The following RIC3 variants were observed in gnomAD, a reference collection of about 807,000 sequenced individuals.
RIC3 encodes the protein RIC3 acetylcholine receptor chaperone, also known as protein RIC-3.
A neutral mutation model predicts 27.3 loss-of-function variants in RIC3; 28 were observed. The ratio of observed to expected loss-of-function variants is 1.02; its 90% CI spans 0.76 to 1.41. RIC3 has a LOEUF of 1.41. Among genes scored for constraint, RIC3 ranks in the 40% most tolerant of loss-of-function variants. The pLI is 0.00. For missense variants in RIC3, 501 were observed against 444.7 expected, an observed-to-expected ratio of 1.13 and a Z score of -1.14; for synonymous variants, 184 against 160.4, an observed-to-expected ratio of 1.15 and a Z score of -1.11.
At chr11:8,103,651 G>T (rs767332005), downstream of RIC3, 2 of 152,590 alleles carry the variant, frequency 1.3e-5, no homozygotes, top group Admixed American at 6.5e-5. Context: ...GCCAGCGCTG[G>T]CGAGATACCA....
rs191855745 is a variant in RIC3, at chr11:8,122,279, A to G, written c.670+4380T>C. ...ATTCCCCTCTTAACTCCTAGCAACA[A>G]CTAATCAGTCCTCTATTTCTATAAT... is the stretch of plus-strand genomic sequence containing the variant. On this transcript the variant is annotated intron_variant, in intron 5 of 5. Coordinates refer to ENST00000309737, the MANE Select transcript of RIC3 (RefSeq NM_001206671.4). Among the ~76,000 whole-genome samples, 34 of 152,264 alleles carry G rather than the reference A, an allele frequency of 2.2e-4. No individual in the cohort carries two copies. The East Asian group carries it at 6.6e-3, about 29-fold the overall frequency.
chr11:8,159,784 G>A (rs563215104), intron 1 of RIC3, among the ~76,000 whole-genome samples: 2 of 152,100 alleles, frequency 1.3e-5, no homozygotes, highest in African/African-American at 4.8e-5. Flanking sequence ...TGAGGTCAAG[G>A]GTTCGATACC....
intron 1 of RIC3, among the ~76,000 whole-genome samples, chr11:8,165,962 T>C (rs982077619): frequency 6.6e-6 from 1 of 151,740 alleles, no homozygotes; most frequent in Non-Finnish European, 1.5e-5. Flanking sequence ...AAAAACAAAC[T>C]TATTTTGTAG....
chr11:8,168,728 C>A, intron 1 of RIC3, 138 bp downstream of exon 1: 1 of 1,289,326 alleles, frequency 7.8e-7, no homozygotes, highest in African/African-American at 1.5e-5. Context: ...CCTTCAACGC[C>A]GTCTCGCCCG....
chr11:8,104,929 T>G (rs1006921809), downstream of RIC3: 3 of 147,776 alleles, frequency 2.0e-5, no homozygotes, highest in African/African-American at 7.5e-5. Context: ...AGCAGAAGGT[T>G]GTTTTTTTTT....
intron 5 of RIC3, among the ~76,000 whole-genome samples, chr11:8,120,012 A>G (rs1381720850): frequency 6.6e-6 from 1 of 152,250 alleles, no homozygotes; most frequent in East Asian, 1.9e-4. Context: ...GCCAGTTAGA[A>G]TGGCAATCGT....
At chr11:8,100,472 C>T in the RIC3 span, 1 of 1,575,860 alleles carries the variant, frequency 6.3e-7, no homozygotes, top group Non-Finnish European at 8.7e-7. Flanking sequence ...ATAGACGCCT[C>T]AGGTGGCCAG....
intron 1 of RIC3, among the ~76,000 whole-genome samples, chr11:8,155,503 G>A (rs1429908004): frequency 6.6e-6 from 1 of 152,132 alleles, no homozygotes; most frequent in East Asian, 1.9e-4. Context: ...TTGAACCCGG[G>A]AGGCGGAGGT....
intron 1 of RIC3, among the ~76,000 whole-genome samples, chr11:8,156,868 C>T (rs777869337): frequency 7.0e-4 from 106 of 152,108 alleles, no homozygotes; most frequent in Non-Finnish European, 3.7e-4. Flanking sequence ...ATTAATGTGT[C>T]TTATAGCCTG....
chr11:8,121,346 A>AT (rs1946426010), intron 5 of RIC3, among the ~76,000 whole-genome samples: 1 of 152,074 alleles, frequency 6.6e-6, no homozygotes. Flanking sequence ...AGCTGGTTGC[A>AT]TTTTTTTCTC....
the RIC3 span, among the ~76,000 whole-genome samples, chr11:8,098,224 G>A: frequency 2.0e-5 from 3 of 152,154 alleles, no homozygotes; most frequent in African/African-American, 7.2e-5. Context: ...CAGTGGTGAA[G>A]GGGCAGGAAG....
downstream of RIC3, chr11:8,101,997 A>G: frequency 4.3e-6 from 1 of 230,758 alleles, no homozygotes; most frequent in Non-Finnish European, 8.5e-6. Context: ...GCTGTGGCCC[A>G]GTCGTCCGCT....
chr11:8,168,549 C>G (rs1590467731), intron 1 of RIC3, among the ~76,000 whole-genome samples: 2 of 152,146 alleles, frequency 1.3e-5, no homozygotes, highest in Non-Finnish European at 2.9e-5. Flanking sequence ...CAAATGGTGA[C>G]GAGATGAGTT....
intron 3 of RIC3, among the ~76,000 whole-genome samples, chr11:8,137,810 T>C (rs1266532893): frequency 1.3e-5 from 2 of 152,224 alleles, no homozygotes; most frequent in Non-Finnish European, 1.5e-5. Context: ...CATTCTAGTC[T>C]ATAAATTCTT....
rs759683226 is a variant in RIC3 at position 8,140,186 on chromosome 11, C to A, written c.132G>T (p.Leu44Phe). The change falls in exon 2 of 6, where the codon TTG becomes TTT. Residue 44 changes from leucine to phenylalanine, a missense_variant. Coordinates refer to ENST00000309737, the MANE Select transcript of RIC3 (RefSeq NM_001206671.4). ...GATGCATCATAGGTGGAAATCGGCC[C>A]AATTTTCCTGAGAAAATAATAATCA... ...QEPPPTPEGK[L>F]GRFPPMMHHH... 3 of 1,610,212 alleles carry A rather than the reference C, an allele frequency of 1.9e-6. No individual in the cohort carries two copies. The highest frequency in any genetic ancestry group is 2.5e-6 in the Non-Finnish European group (3 of 1,178,596).
chr11:8,094,136 C>T, the RIC3 span: 1 of 1,614,120 alleles, frequency 6.2e-7, no homozygotes, highest in East Asian at 2.2e-5. Context: ...GCGGCAGCTA[C>T]AGCAGGGGGC....
At chr11:8,094,118 G>A in the RIC3 span, 2 of 1,614,168 alleles carry the variant, frequency 1.2e-6, no homozygotes, top group Non-Finnish European at 1.7e-6. Context: ...TCAGCCAAGA[G>A]AACCAAGGCG....
chr11:8,132,410 G>C (rs757500769), intron 4 of RIC3, among the ~76,000 whole-genome samples: 2 of 152,226 alleles, frequency 1.3e-5, no homozygotes, highest in Non-Finnish European at 2.9e-5. Context: ...TGTGTGTTGT[G>C]GGGGAAGAGA....
intron 4 of RIC3, chr11:8,135,541 G>C (rs1258966488): frequency 6.6e-6 from 1 of 152,120 alleles, no homozygotes; most frequent in African/African-American, 2.4e-5. Flanking sequence ...TAGCTTGATG[G>C]GGATGGCGTT....
Sources: gnomAD v4.1 joint callset for allele counts (sites outside exome capture counted in the v4.1 genomes callset) on GRCh38, gnomAD v4.1.1 for gene constraint, MANE v1.5 for transcripts, NCBI Gene and HGNC (gene_info 2026-07-23, HGNC 2026-07-21) for gene names.